Variants in TSHZ2 observed in about 807,000 individuals in gnomAD.
TSHZ2 encodes teashirt zinc finger homeobox 2, also known as teashirt homolog 2.
Under a neutral mutation model 74.4 loss-of-function variants are expected in TSHZ2, and 21 were observed. The observed-to-expected ratio is 0.28, with a 90% CI of 0.20 to 0.41. The LOEUF (loss-of-function observed/expected upper bound fraction) is 0.41, where lower values mean the gene tolerates loss of function less well. TSHZ2 is among the 10% of genes least tolerant of loss of function. The pLI is 1.00. For synonymous variants in TSHZ2, 540 were observed against 515.3 expected (o/e 1.05, Z -0.65); for missense variants, 1,244 against 1,293.5 (o/e 0.96, Z 0.59).
At chr20:53,015,878 G>A (rs1273876854) in intron 1 of TSHZ2, among the ~76,000 whole-genome samples, 1 of 152,182 alleles carries the variant, frequency 6.6e-6, no homozygotes, top group South Asian at 2.1e-4. Context: ...GTGTTCAGGG[G>A]GCTGAAAGTA....
At chr20:53,265,342 A>G (rs1990691560) in intron 2 of TSHZ2, among the ~76,000 whole-genome samples, 1 of 152,106 alleles carries the variant, frequency 6.6e-6, no homozygotes, top group African/African-American at 2.4e-5. Flanking sequence ...GAGACAAGGG[A>G]GAGACTGGCA....
intron 2 of TSHZ2, among the ~76,000 whole-genome samples, chr20:53,345,746 C>A (rs1182299431): frequency 6.7e-6 from 1 of 149,964 alleles, no homozygotes; most frequent in Non-Finnish European, 1.5e-5. Flanking sequence ...TGCCCCTCCT[C>A]CCCTCCCTCT....
chr20:53,070,831 T>C (rs991742452), intron 1 of TSHZ2, among the ~76,000 whole-genome samples: 1 of 152,216 alleles, frequency 6.6e-6, no homozygotes, highest in African/African-American at 2.4e-5. Context: ...TGCTACAGCT[T>C]CCGGTAATTG....
intron 1 of TSHZ2, among the ~76,000 whole-genome samples, chr20:53,130,137 T>A (rs1331837453): frequency 6.6e-6 from 1 of 151,998 alleles, no homozygotes; most frequent in Non-Finnish European, 1.5e-5. Flanking sequence ...AGTTATCAAT[T>A]TCTTAGCGCT....
intron 2 of TSHZ2, among the ~76,000 whole-genome samples, chr20:53,271,882 C>T (rs537860468): frequency 7.2e-5 from 11 of 152,130 alleles, no homozygotes; most frequent in Admixed American, 1.3e-4. Context: ...AATGGCTTCT[C>T]CTTGGGTGCA....
rs993848527 is a variant in TSHZ2, at chr20:53,305,599, C to T, written c.*8+49028C>T. 2.6e-5 allele frequency among the ~76,000 whole-genome samples: 4 copies of T among 152,164 alleles called. No individual in the cohort carries two copies. In the East Asian group the frequency reaches 7.7e-4, roughly 29 times the overall value. On this transcript the variant is annotated intron_variant, in intron 2 of 2. Coordinates refer to ENST00000371497, the MANE Select transcript of TSHZ2 (RefSeq NM_173485.6). ...GAGTTTGGCTCTGGTTTTAAGTTGGCTACAAGGAGGTGCTTTGATCTCACC... is the reference window on the plus strand; with the variant it reads ...GAGTTTGGCTCTGGTTTTAAGTTGGTTACAAGGAGGTGCTTTGATCTCACC...
At chr20:53,052,356 C>T (rs1308598033) in intron 1 of TSHZ2, among the ~76,000 whole-genome samples, 1 of 152,134 alleles carries the variant, frequency 6.6e-6, no homozygotes, top group African/African-American at 2.4e-5. Flanking sequence ...GAGTGGAGGA[C>T]CAGCAAGTGC....
At position 53,436,536 on chromosome 20, in the gene TSHZ2, A is replaced by ATTTTTTTTTTT. The variant is rs71194478; in HGVS notation, c.*9-50606_*9-50605insTTTTTTTTTTT. 9.1e-4 allele frequency among the ~76,000 whole-genome samples: 76 copies of ATTTTTTTTTTT among 83,532 alleles called. 1 individual carries two copies. The highest frequency in any genetic ancestry group is 2.0e-3 in the East Asian group (5 of 2,492). 54.8% of individuals were successfully genotyped at this position (83,532 alleles called of 152,430 possible). ...CTTATTTTATTTATTTATTATTATT[A>ATTTTTTTTTTT]TTATTATTATTATTTTTTTTTTTTT... On this transcript the variant is annotated intron_variant, in intron 2 of 2. Coordinates refer to ENST00000371497, the MANE Select transcript of TSHZ2 (RefSeq NM_173485.6).
At chr20:53,196,392 A>AAAAAAAAAAAAAAAAAAAAAAG (rs71194463) in intron 1 of TSHZ2, 1 of 132,324 alleles carries the variant, frequency 7.6e-6, no homozygotes, top group African/African-American at 2.9e-5. Flanking sequence ...AAAAAAAAAA[A>AAAAAAAAAAAAAAAAAAAAAAG]TGTGCTTTCA....
intron 2 of TSHZ2, among the ~76,000 whole-genome samples, chr20:53,357,519 AAAATT>A (rs1157821765): frequency 6.6e-6 from 1 of 152,102 alleles, no homozygotes; most frequent in African/African-American, 2.4e-5. Flanking sequence ...AAAAAAAAAT[AAAATT>A]AAATAAAATA....
intron 2 of TSHZ2, among the ~76,000 whole-genome samples, chr20:53,301,825 C>A (rs1405210263): frequency 6.6e-6 from 1 of 152,312 alleles, no homozygotes; most frequent in Non-Finnish European, 1.5e-5. Flanking sequence ...ACCTTCGTGG[C>A]AGCGCCATTT....
At chr20:53,485,252 G>A (rs1986262409) in intron 2 of TSHZ2, among the ~76,000 whole-genome samples, 1 of 152,132 alleles carries the variant, frequency 6.6e-6, no homozygotes, top group African/African-American at 2.4e-5. Flanking sequence ...AATAAAAATT[G>A]CAAACATTAA....
chr20:52,972,626 C>T lies in TSHZ2; in HGVS notation c.-668C>T, dbSNP rs1457676276. 2.0e-5 allele frequency: 3 copies of T among 149,536 alleles called. No homozygotes were observed. The highest frequency in any genetic ancestry group is 4.4e-5 in the Non-Finnish European group (3 of 67,760). 9.3% of individuals were successfully genotyped at this position (149,536 alleles called of 1,614,324 possible). On this transcript the variant is annotated 5_prime_UTR_variant, in exon 1 of 3. Coordinates refer to ENST00000371497, the MANE Select transcript of TSHZ2 (RefSeq NM_173485.6). ...TCGCATATCACTCACAGACGGGGAT[C>T]TGACAGCAGCCACAAACCTACAGTG...
intron 1 of TSHZ2, among the ~76,000 whole-genome samples, chr20:53,127,320 A>C (rs1986973186): frequency 6.6e-6 from 1 of 152,246 alleles, no homozygotes; most frequent in Admixed American, 6.5e-5. Context: ...ATAAACAAGG[A>C]TTGAAATAAG....
At chr20:53,227,043 A>G (rs1325854387) in intron 1 of TSHZ2, among the ~76,000 whole-genome samples, 1 of 152,150 alleles carries the variant, frequency 6.6e-6, no homozygotes, top group African/African-American at 2.4e-5. Context: ...TTACTTCAAC[A>G]AAGGACTTTA....
intron 1 of TSHZ2, among the ~76,000 whole-genome samples, chr20:53,156,067 G>C (rs1266656858): frequency 3.3e-5 from 5 of 152,180 alleles, no homozygotes; most frequent in African/African-American, 7.2e-5. Flanking sequence ...CTGCAGCTGA[G>C]AGTGTGCAAG....
chr20:53,406,004 T>G (rs918748473), intron 2 of TSHZ2, among the ~76,000 whole-genome samples: 7 of 151,994 alleles, frequency 4.6e-5, no homozygotes, highest in African/African-American at 1.7e-4. Context: ...CTCAAAAAAA[T>G]AAATACTTTT....
At chr20:53,460,510 A>G (rs529671837) in intron 2 of TSHZ2, among the ~76,000 whole-genome samples, 1 of 152,168 alleles carries the variant, frequency 6.6e-6, no homozygotes, top group Admixed American at 6.6e-5. Context: ...CCCGTAGCTC[A>G]GAGTAATTTG....
chr20:53,455,851 G>A (rs1270272522), intron 2 of TSHZ2, among the ~76,000 whole-genome samples: 55 of 151,568 alleles, frequency 3.6e-4, no homozygotes, highest in Middle Eastern at 3.4e-3. Context: ...GAGAATGATG[G>A]TTTCCAATTT....
Sources: gnomAD v4.1 joint callset for allele counts (sites outside exome capture counted in the v4.1 genomes callset) on GRCh38, gnomAD v4.1.1 for gene constraint, MANE v1.5 for transcripts, NCBI Gene and HGNC (gene_info 2026-07-23, HGNC 2026-07-21) for gene names.